The following UBE3A variants were observed in gnomAD, a reference collection of about 807,000 sequenced individuals.
UBE3A encodes the protein ubiquitin-protein ligase E3A.
A neutral mutation model predicts 83.4 loss-of-function variants in UBE3A; 6 were observed. The ratio of observed to expected loss-of-function variants is 0.07; its 90% CI spans 0.04 to 0.14. The LOEUF (loss-of-function observed/expected upper bound fraction) is 0.14. Ranked by LOEUF, UBE3A falls within the 10% of genes least tolerant of loss-of-function variation. The probability of loss-of-function intolerance (pLI) is 1.00; values close to 1 mark genes in which losing one functional copy is unlikely to be tolerated. For synonymous variants in UBE3A, 337 were observed against 355.4 expected (o/e 0.95, Z 0.58); for missense variants, 456 against 1,036.1 (o/e 0.44, Z 7.69).
chr15:25,414,077 T>C (rs1449062963), intron 1 of UBE3A, among the ~76,000 whole-genome samples: 2 of 152,194 alleles, frequency 1.3e-5, no homozygotes, highest in African/African-American at 4.8e-5. Flanking sequence ...TGGCATGGTA[T>C]GCCTGCAACT....
intron 6 of UBE3A, among the ~76,000 whole-genome samples, chr15:25,361,888 A>G (rs1013720970): frequency 8.5e-5 from 13 of 152,358 alleles, no homozygotes; most frequent in African/African-American, 2.9e-4. Context: ...GCACTATAGT[A>G]GTTAAAGTAA....
intron 6 of UBE3A, among the ~76,000 whole-genome samples, chr15:25,367,195 T>TTACATATTTGTAAATATG (rs2079303521): frequency 8.5e-6 from 1 of 117,786 alleles, no homozygotes; most frequent in Admixed American, 7.7e-5. Context: ...ATGTAAATAT[T>TTACATATTTGTAAATATG]TACATATTTG....
At chr15:25,343,527 A>G (rs2075207520) in intron 11 of UBE3A, among the ~76,000 whole-genome samples, 1 of 152,194 alleles carries the variant, frequency 6.6e-6, no homozygotes, top group Non-Finnish European at 1.5e-5. Flanking sequence ...CAGTATGACT[A>G]AAATTTCTAC....
chr15:25,427,869 T>C (rs1013676358), intron 1 of UBE3A, among the ~76,000 whole-genome samples: 8 of 150,610 alleles, frequency 5.3e-5, no homozygotes, highest in Non-Finnish European at 7.4e-5. Context: ...CTTTAAAATG[T>C]AGTTTATACA....
chr15:25,356,056 C>T lies in UBE3A; in HGVS notation c.1960G>A (p.Val654Ile). 1 of 1,613,586 alleles carries T rather than the reference C, an allele frequency of 6.2e-7. No homozygotes were observed. Among genetic ancestry groups the T allele is most frequent in the Non-Finnish European group, 8.5e-7 (1 of 1,179,784 alleles). Reference protein sequence around the residue: ...TFRDLGDSHPVLYQSLKDLLE... With the variant: ...TFRDLGDSHPILYQSLKDLLE... Reference sequence around the variant, plus strand: ...AAATCTTTTAAACTCTGATATAGAACCTAGCAACCAGAAATGGTAAATTGA... The same window carrying T: ...AAATCTTTTAAACTCTGATATAGAATCTAGCAACCAGAAATGGTAAATTGA... The change falls in exon 9 of 13, where the codon GTT becomes ATT. Residue 654 changes from valine to isoleucine, a missense_variant and splice_region_variant. By Grantham distance (29) the Val-to-Ile change is conservative. This residue lies in a region of UBE3A where 18 missense variants were observed against 17.6 expected (regional missense o/e 1.02). Coordinates refer to ENST00000648336, the MANE Select transcript of UBE3A (RefSeq NM_130839.5).
rs910471380 is a variant in UBE3A at position 25,337,234 on chromosome 15, T to C, written c.*1903A>G. On this transcript the variant is annotated 3_prime_UTR_variant, in exon 13 of 13. Coordinates refer to ENST00000648336, the MANE Select transcript of UBE3A (RefSeq NM_130839.5). ...TACCATAATAATAAAACTTGAGAAC[T>C]GAAGAGCACACATTTCTTCACGAAT... The C allele has an allele frequency of 6.6e-6, 1 of 152,306 alleles. No homozygotes were observed. The highest frequency in any genetic ancestry group is 1.5e-5 in the Non-Finnish European group (1 of 68,024). The allele number at this position is 152,306 out of a possible 1,614,324, so 9.4% of individuals were successfully genotyped here. A position where few individuals can be genotyped will look rare whatever the true frequency, so the allele number is the denominator to read the frequency against.
intron 9 of UBE3A, 51 bp downstream of exon 9, chr15:25,355,841 C>T (rs766668640): frequency 1.3e-6 from 2 of 1,538,568 alleles, no homozygotes; most frequent in Admixed American, 1.7e-5. Context: ...AGCATACATG[C>T]TTTGAAAGTG....
At chr15:25,360,240 G>T in intron 7 of UBE3A, 143 bp downstream of exon 7, 1 of 1,033,188 alleles carries the variant, frequency 9.7e-7, no homozygotes. Context: ...TACAAATTCA[G>T]TCATGATGTG....
intron 4 of UBE3A, among the ~76,000 whole-genome samples, chr15:25,380,492 T>G (rs2081993738): frequency 6.6e-6 from 1 of 152,010 alleles, no homozygotes; most frequent in Non-Finnish European, 1.5e-5. Context: ...AACTCTCTCT[T>G]TACCCTGAGC....
At position 25,338,117 on chromosome 15, in the gene UBE3A, A is replaced by G. The variant is rs2074114425; in HGVS notation, c.*1020T>C. ...ATAAAATGGCTGATTCAACAAGATG[A>G]TGGCAACACGAAGGGGAGACTTTGG... On this transcript the variant is annotated 3_prime_UTR_variant, in exon 13 of 13. Transcript: ENST00000648336. 5 of 152,152 alleles carry G rather than the reference A, an allele frequency of 3.3e-5. No individual in the cohort carries two copies. The highest frequency in any genetic ancestry group is 2.6e-4 in the Admixed American group (4 of 15,278). 9.4% of individuals were successfully genotyped at this position (152,152 alleles called of 1,614,324 possible).
chr15:25,356,156 T>C (rs756015129), intron 8 of UBE3A, 100 bp from the exon 9 acceptor site: 25 of 1,424,128 alleles, frequency 1.8e-5, no homozygotes, highest in Middle Eastern at 1.9e-4. Context: ...ATCTTATCAA[T>C]AAAAATTGTA....
At chr15:25,360,356 C>T (rs757862878) in intron 7 of UBE3A, 27 bp downstream of exon 7, 40 of 1,612,808 alleles carry the variant, frequency 2.5e-5, no homozygotes, top group Admixed American at 1.8e-4. Context: ...TGATACGACA[C>T]CATAATCACA....
In UBE3A at chr15:25,396,374, G is replaced by A. The variant is rs571152604; in HGVS notation, c.62+9087C>T. Among the ~76,000 whole-genome samples the A allele has an allele frequency of 3.3e-5, 5 of 152,260 alleles. No homozygotes were observed. The East Asian group carries it at 9.7e-4, about 29-fold the overall frequency. On this transcript the variant is annotated intron_variant, in intron 4 of 12. Transcript: ENST00000648336. ...AGTCCCAGCACTTTGTGAGGCCAAG[G>A]CAGAAGGATTACTTTGGGGCCAAGA...
chr15:25,371,173 C>T lies in UBE3A; in HGVS notation c.1001G>A (p.Arg334Gln), dbSNP rs1384065874. The change falls in exon 6 of 13, where the codon CGG (arginine) becomes CAG (glutamine). Residue 334 changes from arginine to glutamine, a missense_variant. Coordinates refer to ENST00000648336, the MANE Select transcript of UBE3A (RefSeq NM_130839.5). The surrounding 1 kb of genome is among the most constrained non-coding windows in gnomAD (Gnocchi z 5.3). ...TTGCTGAAATGTCTCCATCATTCTCCGAATCTGGTCTGCATTGTATTTAGA... is the reference window on the plus strand; with the variant it reads ...TTGCTGAAATGTCTCCATCATTCTCTGAATCTGGTCTGCATTGTATTTAGA... The part of the protein sequence containing the change: ...LWSKYNADQI[R>Q]RMMETFQQLI... 6 of 1,614,062 alleles carry T rather than the reference C, an allele frequency of 3.7e-6. No homozygotes were observed. The highest frequency in any genetic ancestry group is 1.3e-5 in the African/African-American group (1 of 75,008).
chr15:25,386,504 G>A (rs1185857500), intron 4 of UBE3A, among the ~76,000 whole-genome samples: 1 of 152,146 alleles, frequency 6.6e-6, no homozygotes, highest in African/African-American at 2.4e-5. Context: ...CCAAAAGGAA[G>A]TGCTAGAGAT....
At chr15:25,414,046 G>A (rs955009110) in intron 1 of UBE3A, among the ~76,000 whole-genome samples, 2 of 152,074 alleles carry the variant, frequency 1.3e-5, no homozygotes, top group African/African-American at 4.8e-5. Context: ...CCCTAACTCT[G>A]TATCTTTAAG....
At chr15:25,404,205 C>T (rs1020818989) in intron 4 of UBE3A, among the ~76,000 whole-genome samples, 3 of 151,850 alleles carry the variant, frequency 2.0e-5, no homozygotes, top group Non-Finnish European at 4.4e-5. Context: ...CAATATATAC[C>T]GGCATTTAAA....
chr15:25,431,134 C>T (rs1205048466), intron 1 of UBE3A, among the ~76,000 whole-genome samples: 3 of 152,176 alleles, frequency 2.0e-5, no homozygotes, highest in Non-Finnish European at 2.9e-5. Context: ...TATTCCCATT[C>T]TGTGAAGCAG....
chr15:25,416,659 A>C lies in UBE3A; in HGVS notation c.-164-4688T>G, dbSNP rs60511546. On this transcript the variant is annotated intron_variant, in intron 1 of 12. Transcript: ENST00000648336. ...AAACATTCTAAAAAAAAAAAAAAAA[A>C]CCTCATATGGTATTAGCATTAGACA... is the stretch of plus-strand genomic sequence containing the variant. Among the ~76,000 whole-genome samples, 1,007 of 147,896 alleles carry C rather than the reference A, an allele frequency of 6.8e-3. 9 individuals carry two copies. The highest frequency in any genetic ancestry group is 0.024 in the African/African-American group (941 of 39,134).
Sources: allele counts gnomAD v4.1 joint callset (sites outside exome capture counted in the v4.1 genomes callset), GRCh38; gene constraint gnomAD v4.1.1; regional missense constraint gnomAD v4.1.1; non-coding constraint Gnocchi (gnomAD v3.1); transcripts MANE v1.5; gene names NCBI Gene and HGNC (gene_info 2026-07-23, HGNC 2026-07-21).